Variants in HS6ST2 observed in about 807,000 individuals in gnomAD.
HS6ST2 encodes the protein heparan sulfate 6-O-sulfotransferase 2.
In HS6ST2, 17 loss-of-function variants were observed where a neutral mutation model predicts 33.0. The ratio of observed to expected loss-of-function variants is 0.52; its 90% CI spans 0.35 to 0.77. The LOEUF (loss-of-function observed/expected upper bound fraction) is 0.77, where lower values mean the gene tolerates loss of function less well. HS6ST2 is among the 30% of genes least tolerant of loss of function. HS6ST2 has a pLI of 0.01. For missense variants in HS6ST2, 519 were observed against 551.7 expected, an observed-to-expected ratio of 0.94 and a Z score of 0.59; for synonymous variants, 248 against 237.1, an observed-to-expected ratio of 1.05 and a Z score of -0.42.
intron 2 of HS6ST2, among the ~76,000 whole-genome samples, chrX:132,777,317 G>T (rs189529245): frequency 9.2e-6 from 1 of 109,029 alleles, no homozygotes; most frequent in Non-Finnish European, 1.9e-5. Flanking sequence ...ATAAATGTGT[G>T]TTGATTATAT....
intron 2 of HS6ST2, among the ~76,000 whole-genome samples, chrX:132,769,500 T>C (rs146240525): frequency 3.9e-3 from 437 of 112,096 alleles, no homozygotes; most frequent in Non-Finnish European, 4.8e-3. Context: ...TGTTCATCAA[T>C]TGCATTTCAT....
intron 2 of HS6ST2, among the ~76,000 whole-genome samples, chrX:132,711,653 G>A (rs1301569601): frequency 9.0e-6 from 1 of 111,591 alleles, no homozygotes; most frequent in Non-Finnish European, 1.9e-5. Flanking sequence ...AGTTCACAGA[G>A]CCCAGAGCAC....
chrX:132,695,304 G>A (rs1452501195), intron 3 of HS6ST2, among the ~76,000 whole-genome samples: 1 of 111,575 alleles, frequency 9.0e-6, no homozygotes, highest in Middle Eastern at 4.2e-3. Flanking sequence ...GGTAATGGGT[G>A]CAATACAGAT....
chrX:132,855,984 CAT>C (rs1200478326), intron 2 of HS6ST2, among the ~76,000 whole-genome samples: 4 of 111,315 alleles, frequency 3.6e-5, no homozygotes, highest in South Asian at 3.8e-4. Flanking sequence ...TTAAACTTGA[CAT>C]GTGTTAAATT....
chrX:132,822,471 A>G (rs2065469996), intron 2 of HS6ST2, among the ~76,000 whole-genome samples: 1 of 111,590 alleles, frequency 9.0e-6, no homozygotes, highest in Non-Finnish European at 1.9e-5. Flanking sequence ...TGCTCTAGCT[A>G]AGACAAAAGG....
intron 2 of HS6ST2, among the ~76,000 whole-genome samples, chrX:132,816,684 A>T (rs2065397712): frequency 8.9e-6 from 1 of 112,023 alleles, no homozygotes; most frequent in African/African-American, 3.2e-5. Context: ...AAGAGAAAAA[A>T]ATCTGAAAAA....
intron 2 of HS6ST2, among the ~76,000 whole-genome samples, chrX:132,757,300 G>A (rs1277369504): frequency 8.9e-6 from 1 of 111,900 alleles, no homozygotes; most frequent in African/African-American, 3.3e-5. Context: ...TCTCTGAGAA[G>A]TCAGAGAGGA....
chrX:132,937,568 A>C (rs919863209), intron 2 of HS6ST2, among the ~76,000 whole-genome samples: 1 of 111,793 alleles, frequency 8.9e-6, no homozygotes, highest in African/African-American at 3.3e-5. Context: ...CTGATTTTCA[A>C]CAAAGGCACT....
At chrX:132,961,161 G>C (rs748699023), upstream of HS6ST2, 1 of 107,594 alleles carries the variant, frequency 9.3e-6, no homozygotes, top group Non-Finnish European at 1.9e-5. Flanking sequence ...AGAACTGGCC[G>C]AACTGTCAAG....
chrX:132,737,949 C>CGTGGCCA (rs1307677614), intron 2 of HS6ST2, among the ~76,000 whole-genome samples: 1 of 112,216 alleles, frequency 8.9e-6, no homozygotes, highest in African/African-American at 3.2e-5. Flanking sequence ...TGTTGGCTCC[C>CGTGGCCA]GTGGCCAGTG....
chrX:132,753,448 T>A (rs924563650), intron 2 of HS6ST2, among the ~76,000 whole-genome samples: 6 of 110,625 alleles, frequency 5.4e-5, no homozygotes, highest in African/African-American at 2.0e-4. Flanking sequence ...TGGGGGCCGT[T>A]CCCCCCATAC....
chrX:132,654,988 C>A (rs1301481269), intron 4 of HS6ST2, among the ~76,000 whole-genome samples: 1 of 112,194 alleles, frequency 8.9e-6, no homozygotes, highest in East Asian at 2.8e-4. Context: ...ACCTTTCTTA[C>A]AAAGCACATA....
intron 2 of HS6ST2, among the ~76,000 whole-genome samples, chrX:132,886,335 A>G (rs2066252039): frequency 8.9e-6 from 1 of 111,752 alleles, no homozygotes; most frequent in African/African-American, 3.2e-5. Flanking sequence ...CAGCAGATTC[A>G]AGATGGCAGA....
intron 2 of HS6ST2, among the ~76,000 whole-genome samples, chrX:132,824,722 AAACTTT>A (rs748190947): frequency 3.9e-4 from 44 of 112,772 alleles, no homozygotes; most frequent in Non-Finnish European, 4.9e-4. Context: ...GGATACCATT[AAACTTT>A]AACTTTAAAA....
At chrX:132,889,161 G>A (rs747987610) in intron 2 of HS6ST2, among the ~76,000 whole-genome samples, 1 of 110,442 alleles carries the variant, frequency 9.1e-6, no homozygotes, top group Non-Finnish European at 1.9e-5. Context: ...GAATACAAGA[G>A]CATCCAAGAG....
At chrX:132,875,517 C>A (rs1221995111) in intron 2 of HS6ST2, among the ~76,000 whole-genome samples, 1 of 111,641 alleles carries the variant, frequency 9.0e-6, no homozygotes, top group East Asian at 2.8e-4. Flanking sequence ...AAGTCAGGAC[C>A]TCAGCCAGCT....
intron 2 of HS6ST2, among the ~76,000 whole-genome samples, chrX:132,944,549 A>C (rs1418516961): frequency 8.9e-6 from 1 of 112,022 alleles, no homozygotes; most frequent in African/African-American, 3.2e-5. Flanking sequence ...TTGCCAAGTC[A>C]ATCCTAAGCC....
chrX:132,804,162 A>G (rs1000945100), intron 2 of HS6ST2, among the ~76,000 whole-genome samples: 1 of 112,384 alleles, frequency 8.9e-6, no homozygotes, highest in Non-Finnish European at 1.9e-5. Context: ...AATATGGCAA[A>G]AGGACTGTTG....
chrX:132,754,565 T>C (rs1350969246), intron 2 of HS6ST2, among the ~76,000 whole-genome samples: 1 of 109,590 alleles, frequency 9.1e-6, no homozygotes, highest in Non-Finnish European at 1.9e-5. Flanking sequence ...TACAGGTGCC[T>C]GCCACCACGC....
Sources: gnomAD v4.1 joint callset for allele counts (sites outside exome capture counted in the v4.1 genomes callset) on GRCh38, gnomAD v4.1.1 for gene constraint, MANE v1.5 for transcripts, NCBI Gene and HGNC (gene_info 2026-07-23, HGNC 2026-07-21) for gene names.